GMFB: variants seen among roughly 807,000 people sequenced by gnomAD.
GMFB encodes GMF-beta.
A neutral mutation model predicts 25.6 loss-of-function variants in GMFB; 13 were observed. The observed-to-expected ratio is 0.51, with a 90% confidence interval of 0.33 to 0.81. GMFB has a LOEUF of 0.81. GMFB is among the 30% of genes least tolerant of loss of function. The probability of loss-of-function intolerance (pLI) is 0.02; values close to 1 mark genes in which losing one functional copy is unlikely to be tolerated. For synonymous variants in GMFB, 57 were observed against 56.9 expected (o/e 1.00, Z 0.00); for missense variants, 146 against 175.4 (o/e 0.83, Z 0.95).
Position 54,477,840 on chromosome 14 carries a change from G to C in GMFB, c.*248C>G. On this transcript the variant is annotated 3_prime_UTR_variant, in exon 7 of 7. Coordinates refer to ENST00000358056, the MANE Select transcript of GMFB (RefSeq NM_004124.3). Reference sequence around the variant, plus strand: ...TAAGTTATAGAAATTAGTCACAAGAGTGCAAAAAGTCCCTGGAGAAAAGTA... The same window carrying C: ...TAAGTTATAGAAATTAGTCACAAGACTGCAAAAAGTCCCTGGAGAAAAGTA... 1 of 338,130 alleles carries C rather than the reference G, an allele frequency of 3.0e-6. No homozygotes were observed. The highest frequency in any genetic ancestry group is 5.4e-6 in the Non-Finnish European group (1 of 184,404). 20.9% of individuals were successfully genotyped at this position (338,130 alleles called of 1,614,324 possible). A position where few individuals can be genotyped will look rare whatever the true frequency, so the allele number is the denominator to read the frequency against.
rs186323924 is a variant in GMFB, at chr14:54,477,655, C to T, written c.*433G>A. On this transcript the variant is annotated 3_prime_UTR_variant, in exon 7 of 7. Transcript: ENST00000358056. Reference sequence around the variant, plus strand: ...AATACTGGGTCACTCAAGTCTTTGACCCCAAATGAATTTCAATGATTTGAC... The same window carrying T: ...AATACTGGGTCACTCAAGTCTTTGATCCCAAATGAATTTCAATGATTTGAC... The T allele has an allele frequency of 6.8e-4, 104 of 153,456 alleles. No homozygotes were observed. The Middle Eastern group carries it at 0.013, about 20-fold the overall frequency. The allele number at this position is 153,456 out of a possible 1,614,324, so 9.5% of individuals were successfully genotyped here. A position where few individuals can be genotyped will look rare whatever the true frequency, so the allele number is the denominator to read the frequency against.
chr14:54,486,773 G>A (rs1007599134), intron 1 of GMFB, among the ~76,000 whole-genome samples: 2 of 149,078 alleles, frequency 1.3e-5, no homozygotes, highest in African/African-American at 4.9e-5. Flanking sequence ...GTTTAGAGAG[G>A]TTAAGTATCT....
rs1022076661 is a variant in GMFB, at chr14:54,475,284, G to A, written c.*2804C>T. The A allele has an allele frequency of 2.0e-5, 3 of 152,514 alleles. No individual in the cohort carries two copies. The highest frequency in any genetic ancestry group is 4.8e-5 in the African/African-American group (2 of 41,436). 9.4% of individuals were successfully genotyped at this position (152,514 alleles called of 1,614,324 possible). ...AATTTGGCAATAAACTCCCCTAACT[G>A]GAAATTTTTAGCTAAAGTGTCAGAC... On this transcript the variant is annotated 3_prime_UTR_variant, in exon 7 of 7. Transcript: ENST00000358056.
At chr14:54,488,648 G>A (rs2031822520) in intron 1 of GMFB, 2 of 415,342 alleles carry the variant, frequency 4.8e-6, no homozygotes, top group South Asian at 5.7e-5. Flanking sequence ...GACCTGGCGT[G>A]GGGCCTCCCC....
intron 4 of GMFB, 70 bp from the exon 5 acceptor site, chr14:54,481,026 C>A (rs1047856656): frequency 1.4e-6 from 1 of 710,722 alleles, no homozygotes; most frequent in Admixed American, 2.7e-5. Context: ...TGGGGAGCTA[C>A]TGAGCTGCAA....
Position 54,481,477 on chromosome 14 carries a change from G to T in GMFB, c.151-19C>A. On this transcript the variant is annotated intron_variant, in intron 3 of 6. Transcript: ENST00000358056. Reference sequence around the variant, plus strand: ...AAATGCCCTGGCACCACAGAGAAAAGCAACTTTTAAACATTTTCTTACCCA... The same window carrying T: ...AAATGCCCTGGCACCACAGAGAAAATCAACTTTTAAACATTTTCTTACCCA... 6.3e-7 allele frequency: 1 copy of T among 1,588,264 alleles called. No homozygotes were observed. The highest frequency in any genetic ancestry group is 8.6e-7 in the Non-Finnish European group (1 of 1,157,404).
intron 2 of GMFB, among the ~76,000 whole-genome samples, chr14:54,482,801 T>C (rs969389508): frequency 6.6e-6 from 1 of 152,240 alleles, no homozygotes; most frequent in Non-Finnish European, 1.5e-5. Flanking sequence ...TTGACCATGT[T>C]TGGTTTTGCA....
In GMFB at chr14:54,476,810, T is replaced by G. The variant is rs925224160; in HGVS notation, c.*1278A>C. The stretch of plus-strand genomic sequence containing the variant: ...TACACTCACCAAGTTTGGTTAGTTT[T>G]TAGAGTCTCTAGACCTATTATCAAA... On this transcript the variant is annotated 3_prime_UTR_variant, in exon 7 of 7. Coordinates refer to ENST00000358056, the MANE Select transcript of GMFB (RefSeq NM_004124.3). 6.6e-6 allele frequency: 1 copy of G among 152,082 alleles called. No homozygotes were observed. Among genetic ancestry groups the G allele is most frequent in the African/African-American group, 2.4e-5 (1 of 41,454 alleles). 9.4% of individuals were successfully genotyped at this position (152,082 alleles called of 1,614,324 possible).
At chr14:54,487,136 C>T (rs572060991) in intron 1 of GMFB, among the ~76,000 whole-genome samples, 2 of 152,310 alleles carry the variant, frequency 1.3e-5, no homozygotes, top group African/African-American at 4.8e-5. Flanking sequence ...TAGCTCACGT[C>T]TGTAATCTCA....
At chr14:54,485,625 T>A (rs999806311) in intron 1 of GMFB, among the ~76,000 whole-genome samples, 2 of 152,056 alleles carry the variant, frequency 1.3e-5, no homozygotes, top group African/African-American at 4.8e-5. Context: ...GCAATCCCCA[T>A]CAAAATACCA....
chr14:54,479,698 A>C, intron 6 of GMFB, 88 bp downstream of exon 6: 1 of 753,208 alleles, frequency 1.3e-6, no homozygotes, highest in South Asian at 1.6e-5. Context: ...CACCTGCATA[A>C]AAAATACTCC....
In GMFB at chr14:54,488,955, G is replaced by A. The variant is rs1169611074; in HGVS notation, c.-28C>T. ...TCCTTCCGGCCGTCAGCGGCCTGTC[G>A]CCTACACTCGGGCGCCTTTAAGAAT... On this transcript the variant is annotated 5_prime_UTR_variant, in exon 1 of 7. Coordinates refer to ENST00000358056, the MANE Select transcript of GMFB (RefSeq NM_004124.3). 3.2e-6 allele frequency: 5 copies of A among 1,557,226 alleles called. No individual in the cohort carries two copies. The highest frequency in any genetic ancestry group is 1.4e-5 in the African/African-American group (1 of 70,462).
At position 54,476,511 on chromosome 14, in the gene GMFB, G is replaced by A. The variant is rs1386931111; in HGVS notation, c.*1577C>T. 1 of 151,836 alleles carries A rather than the reference G, an allele frequency of 6.6e-6. No homozygotes were observed. Among genetic ancestry groups the A allele is most frequent in the Non-Finnish European group, 1.5e-5 (1 of 67,836 alleles). The allele number at this position is 151,836 out of a possible 1,614,324, so 9.4% of individuals were successfully genotyped here. A position where few individuals can be genotyped will look rare whatever the true frequency, so the allele number is the denominator to read the frequency against. On this transcript the variant is annotated 3_prime_UTR_variant, in exon 7 of 7. Coordinates refer to ENST00000358056, the MANE Select transcript of GMFB (RefSeq NM_004124.3). Reference sequence around the variant, plus strand: ...GAGTTTTCTCTTCTCTCTGGAAATTGGAATAAAGAATCTTTTCCCTCCAAG... The same window carrying A: ...GAGTTTTCTCTTCTCTCTGGAAATTAGAATAAAGAATCTTTTCCCTCCAAG...
intron 6 of GMFB, chr14:54,479,294 T>C (rs2031679877): frequency 6.6e-6 from 1 of 152,104 alleles, no homozygotes; most frequent in Admixed American, 6.6e-5. Flanking sequence ...TACCATAAAA[T>C]AGGGACATGT....
Position 54,479,616 on chromosome 14 carries a change from C to A in GMFB, c.357+170G>T, listed in dbSNP as rs572733253. 5 of 482,254 alleles carry A rather than the reference C, an allele frequency of 1.0e-5. No homozygotes were observed. The East Asian group carries it at 1.7e-4, about 16-fold the overall frequency. The allele number at this position is 482,254 out of a possible 1,614,324, so 29.9% of individuals were successfully genotyped here. A position where few individuals can be genotyped will look rare whatever the true frequency, so the allele number is the denominator to read the frequency against. ...TTCAAAAAATACACTTTGGTTCAAA[C>A]GCTTCTATCTCATTCTATTTCCAGT... On this transcript the variant is annotated intron_variant, in intron 6 of 6. Transcript: ENST00000358056.
chr14:54,479,757 T>G lies in GMFB; in HGVS notation c.357+29A>C, dbSNP rs907104786. ...TTATAGTCTAAAGGAAAATATTGTCTCAACAAGTCAGTCAAATATAAATAC... is the reference window on the plus strand; with the variant it reads ...TTATAGTCTAAAGGAAAATATTGTCGCAACAAGTCAGTCAAATATAAATAC... On this transcript the variant is annotated intron_variant, in intron 6 of 6. Coordinates refer to ENST00000358056, the MANE Select transcript of GMFB (RefSeq NM_004124.3). 3 of 1,340,896 alleles carry G rather than the reference T, an allele frequency of 2.2e-6. No homozygotes were observed. In the Admixed American group the frequency reaches 5.1e-5, roughly 23 times the overall value. The allele number at this position is 1,340,896 out of a possible 1,614,324, so 83.1% of individuals were successfully genotyped here. A position where few individuals can be genotyped will look rare whatever the true frequency, so the allele number is the denominator to read the frequency against.
chr14:54,488,623 C>A, intron 1 of GMFB: 1 of 374,702 alleles, frequency 2.7e-6, no homozygotes, highest in Non-Finnish European at 4.8e-6. Context: ...GAAGCTGAAG[C>A]CCTCCAACCA....
At chr14:54,486,812 G>A (rs547955824) in intron 1 of GMFB, among the ~76,000 whole-genome samples, 2 of 145,862 alleles carry the variant, frequency 1.4e-5, no homozygotes, top group Non-Finnish European at 3.0e-5. Context: ...AGTGGAGCCA[G>A]GATTCAACCC....
chr14:54,478,423 C>T lies in GMFB; in HGVS notation c.358-264G>A, dbSNP rs2031669092. On this transcript the variant is annotated intron_variant, in intron 6 of 6. Coordinates refer to ENST00000358056, the MANE Select transcript of GMFB (RefSeq NM_004124.3). ...GTACAGCAATCAAGACAACATGAAA[C>T]CAAAACTCTCCCAAAAGCACAAATC... The T allele has an allele frequency of 1.2e-5, 3 of 242,296 alleles. No homozygotes were observed. In the East Asian group the frequency reaches 2.3e-4, roughly 18 times the overall value. The allele number at this position is 242,296 out of a possible 1,614,324, so 15.0% of individuals were successfully genotyped here.
Sources: gnomAD v4.1 joint callset for allele counts (sites outside exome capture counted in the v4.1 genomes callset) on GRCh38, gnomAD v4.1.1 for gene constraint, MANE v1.5 for transcripts, NCBI Gene and HGNC (gene_info 2026-07-23, HGNC 2026-07-21) for gene names.